The following GABRA2 variants were observed in gnomAD, a reference collection of about 807,000 sequenced individuals.
GABRA2 encodes the protein gamma-aminobutyric acid receptor subunit alpha-2.
In GABRA2, 16 loss-of-function variants were observed where a neutral mutation model predicts 48.7. The observed-to-expected ratio is 0.33, with a 90% CI of 0.22 to 0.50. The LOEUF (loss-of-function observed/expected upper bound fraction) is 0.50, where lower values mean the gene tolerates loss of function less well. Ranked by LOEUF, GABRA2 falls within the 20% of genes least tolerant of loss-of-function variation. The pLI is 0.98. For missense variants in GABRA2, 275 were observed against 535.6 expected, an observed-to-expected ratio of 0.51 and a Z score of 4.80; for synonymous variants, 185 against 184.5, an observed-to-expected ratio of 1.00 and a Z score of -0.02.
chr4:46,326,983 C>A (rs558338428), intron 4 of GABRA2, among the ~76,000 whole-genome samples: 1 of 152,096 alleles, frequency 6.6e-6, no homozygotes, highest in South Asian at 2.1e-4. Context: ...TCCAACAGAT[C>A]ACCAATTCTA....
At chr4:46,352,938 G>C (rs1162116885) in intron 3 of GABRA2, among the ~76,000 whole-genome samples, 1 of 152,028 alleles carries the variant, frequency 6.6e-6, no homozygotes, top group Non-Finnish European at 1.5e-5. Context: ...GTCTTTTCAT[G>C]CCTTACTGTT....
chr4:46,314,700 T>A (rs1164403993), intron 4 of GABRA2, among the ~76,000 whole-genome samples: 1 of 152,086 alleles, frequency 6.6e-6, no homozygotes, highest in Non-Finnish European at 1.5e-5. Flanking sequence ...GAGTACCCAA[T>A]GTTTAGCTCC....
intron 3 of GABRA2, among the ~76,000 whole-genome samples, chr4:46,350,491 G>GTATA: frequency 6.6e-6 from 1 of 151,428 alleles, no homozygotes; most frequent in South Asian, 2.1e-4. Flanking sequence ...ACATATATTT[G>GTATA]TATATATATA....
intron 3 of GABRA2, among the ~76,000 whole-genome samples, chr4:46,363,405 A>G (rs1431475693): frequency 1.3e-5 from 2 of 152,136 alleles, no homozygotes; most frequent in African/African-American, 4.8e-5. Flanking sequence ...AAAGGAAGAG[A>G]GCACCAAGAA....
At chr4:46,262,771 G>A (rs935067128) in intron 8 of GABRA2, among the ~76,000 whole-genome samples, 2 of 152,064 alleles carry the variant, frequency 1.3e-5, no homozygotes, top group African/African-American at 4.8e-5. Context: ...GGTGGCAGGT[G>A]CCTGTAATCC....
Position 46,248,612 on chromosome 4 carries a change from A to G in GABRA2, c.*1696T>C, listed in dbSNP as rs1489228923. On this transcript the variant is annotated 3_prime_UTR_variant, in exon 10 of 10. Transcript: ENST00000381620. The stretch of plus-strand genomic sequence containing the variant: ...GCATATAATAGAATCACATGGAAAC[A>G]AAGAAATTTTAAAAATTAAATGAGG... 6.6e-6 allele frequency: 1 copy of G among 151,464 alleles called. No individual in the cohort carries two copies. Among genetic ancestry groups the G allele is most frequent in the Non-Finnish European group, 1.5e-5 (1 of 67,616 alleles). The allele number at this position is 151,464 out of a possible 1,614,324, so 9.4% of individuals were successfully genotyped here. A position where few individuals can be genotyped will look rare whatever the true frequency, so the allele number is the denominator to read the frequency against.
chr4:46,313,900 A>G (rs1234859373), intron 4 of GABRA2, among the ~76,000 whole-genome samples: 1 of 152,164 alleles, frequency 6.6e-6, no homozygotes, highest in Non-Finnish European at 1.5e-5. Flanking sequence ...CATATACTAT[A>G]AAATAGAAAA....
intron 4 of GABRA2, 38 bp from the exon 5 acceptor site, chr4:46,312,754 T>A (rs751566364): frequency 9.5e-7 from 1 of 1,054,494 alleles, no homozygotes; most frequent in African/African-American, 1.6e-5. Context: ...AAATAGTAAA[T>A]GTTGTAGACA....
At chr4:46,380,370 G>C (rs1358840376) in intron 3 of GABRA2, among the ~76,000 whole-genome samples, 3 of 152,136 alleles carry the variant, frequency 2.0e-5, no homozygotes, top group Non-Finnish European at 4.4e-5. Flanking sequence ...CTTTAAAGCT[G>C]GATCCTGTAT....
rs36037966 is a variant in GABRA2, at chr4:46,243,574, CAA to C, written c.*6732_*6733del. 2.0e-5 allele frequency: 3 copies of C among 151,306 alleles called. No individual in the cohort carries two copies. The highest frequency in any genetic ancestry group is 6.6e-5 in the Admixed American group (1 of 15,130). 9.4% of individuals were successfully genotyped at this position (151,306 alleles called of 1,614,324 possible). ...ATATTTAAATCATTTTTAATAAATA[CAA>C]AAAAGTTGTTTAGCATTAATTTGCA... On this transcript the variant is annotated 3_prime_UTR_variant, in exon 10 of 10. Coordinates refer to ENST00000381620, the MANE Select transcript of GABRA2 (RefSeq NM_000807.4).
chr4:46,256,308 C>A, intron 9 of GABRA2: 2 of 694,480 alleles, frequency 2.9e-6, no homozygotes, highest in Non-Finnish European at 5.3e-6. Flanking sequence ...ATTAGCTTAG[C>A]TCCTTGAAGA....
chr4:46,330,591 T>TATATATATATATATATAG (rs1411755120), intron 4 of GABRA2, among the ~76,000 whole-genome samples: 1 of 122,690 alleles, frequency 8.2e-6, no homozygotes, highest in East Asian at 3.1e-4. Context: ...TATATATATA[T>TATATATATATATATATAG]AGAGAGAGAG....
At chr4:46,330,591 T>TATATATATATATAGAGAGAGAGAG (rs1411755120) in intron 4 of GABRA2, among the ~76,000 whole-genome samples, 1 of 122,688 alleles carries the variant, frequency 8.2e-6, no homozygotes, top group African/African-American at 2.8e-5. Flanking sequence ...TATATATATA[T>TATATATATATATAGAGAGAGAGAG]AGAGAGAGAG....
rs1354892726 is a variant in GABRA2, at chr4:46,263,254, T to C, written c.857-1126A>G. Among the ~76,000 whole-genome samples, 4 of 152,116 alleles carry C rather than the reference T, an allele frequency of 2.6e-5. No individual in the cohort carries two copies. In the East Asian group the frequency reaches 7.7e-4, roughly 29 times the overall value. On this transcript the variant is annotated intron_variant, in intron 8 of 9. Transcript: ENST00000381620. The stretch of plus-strand genomic sequence containing the variant: ...TAAAAAATTGATACTCTCCTGGTAT[T>C]GAGGAAGATATGGGGCATTACAAAT...
At chr4:46,312,809 CAG>C (rs1034136766) in intron 4 of GABRA2, 93 bp from the exon 5 acceptor site, 16 of 662,736 alleles carry the variant, frequency 2.4e-5, no homozygotes, top group African/African-American at 1.3e-4. Flanking sequence ...TTAATTTAAA[CAG>C]AGAGAGCTAT....
At chr4:46,315,139 G>GGT (rs1728328492) in intron 4 of GABRA2, among the ~76,000 whole-genome samples, 2 of 140,724 alleles carry the variant, frequency 1.4e-5, no homozygotes, top group Non-Finnish European at 3.1e-5. Context: ...GTCTGCATCT[G>GGT]TTTTTTTTTT....
At chr4:46,279,140 C>T (rs536504151) in intron 8 of GABRA2, among the ~76,000 whole-genome samples, 28 of 152,052 alleles carry the variant, frequency 1.8e-4, no homozygotes, top group Non-Finnish European at 3.8e-4. Flanking sequence ...TAATCAATTG[C>T]AATGAGTAAA....
chr4:46,374,454 AT>A (rs1217932232), intron 3 of GABRA2, among the ~76,000 whole-genome samples: 1 of 152,176 alleles, frequency 6.6e-6, no homozygotes, highest in African/African-American at 2.4e-5. Flanking sequence ...AGGTCCCATT[AT>A]AAAACACAAT....
At chr4:46,300,651 ATCAG>A (rs1357902139) in intron 8 of GABRA2, among the ~76,000 whole-genome samples, 1 of 147,398 alleles carries the variant, frequency 6.8e-6, no homozygotes, top group African/African-American at 2.7e-5. Context: ...TCAAACTACA[ATCAG>A]TTTTCCTATT....
Sources: gnomAD v4.1 joint callset for allele counts (sites outside exome capture counted in the v4.1 genomes callset) on GRCh38, gnomAD v4.1.1 for gene constraint, MANE v1.5 for transcripts, NCBI Gene and HGNC (gene_info 2026-07-23, HGNC 2026-07-21) for gene names.